Variants in FRAS1 observed in about 807,000 individuals in gnomAD.
FRAS1 encodes extracellular matrix organizing protein FRAS1.
A neutral mutation model predicts 435.2 loss-of-function variants in FRAS1; 290 were observed. That is an observed-to-expected ratio of 0.67 (90% CI 0.61 to 0.73). FRAS1 has a LOEUF of 0.73. Ranked by LOEUF, FRAS1 falls within the 30% of genes least tolerant of loss-of-function variation. FRAS1 has a pLI of 0.00. For missense variants in FRAS1, 4,860 were observed against 5,001.5 expected (o/e 0.97, Z 0.85); for synonymous variants, 1,800 against 1,851.0 (o/e 0.97, Z 0.71).
At chr4:78,475,413 G>A (rs1295861571) in intron 53 of FRAS1, 25 bp from the exon 54 acceptor site, 6 of 1,613,528 alleles carry the variant, frequency 3.7e-6, no homozygotes, top group Non-Finnish European at 5.1e-6. Context: ...CATAGTTTAA[G>A]AGATGCCTTT....
At chr4:78,378,343 T>G (rs1170454931) in intron 26 of FRAS1, among the ~76,000 whole-genome samples, 1 of 152,188 alleles carries the variant, frequency 6.6e-6, no homozygotes, top group Non-Finnish European at 1.5e-5. Flanking sequence ...GACTTTTGAG[T>G]TGATTTCACT....
At chr4:78,354,796 T>C (rs997164847) in intron 20 of FRAS1, among the ~76,000 whole-genome samples, 4 of 152,192 alleles carry the variant, frequency 2.6e-5, no homozygotes, top group African/African-American at 4.8e-5. Flanking sequence ...GAGTCACTGC[T>C]CCATAAAACC....
At chr4:78,265,129 T>C (rs1172253304) in intron 7 of FRAS1, 21 bp downstream of exon 7, 5 of 1,572,536 alleles carry the variant, frequency 3.2e-6, no homozygotes, top group Non-Finnish European at 3.5e-6. Context: ...ATGCTCCCCA[T>C]GTAGGTGTTT....
At chr4:78,127,272 A>G (rs1560538361) in intron 2 of FRAS1, among the ~76,000 whole-genome samples, 1 of 152,208 alleles carries the variant, frequency 6.6e-6, no homozygotes, top group Non-Finnish European at 1.5e-5. Flanking sequence ...GGATGGTAAG[A>G]CATGAGCCTA....
rs768513175 is a variant in FRAS1, at chr4:78,470,055, C to G, written c.7335C>G (p.Asn2445Lys). 5 of 1,613,536 alleles carry G rather than the reference C, an allele frequency of 3.1e-6. No individual in the cohort carries two copies. The highest frequency in any genetic ancestry group is 4.2e-6 in the Non-Finnish European group (5 of 1,179,698). The part of the protein sequence containing the change: ...VDDGTPRIVT[N>K]LGLQWLEYMD... ...ATGGCACGCCTAGAATTGTCACCAA[C>G]CTGGGACTCCAGTGGCTGGAATACA... Residue 2445 changes from asparagine to lysine, a missense_variant, in exon 51 of 74, where the codon AAC becomes AAG. Asn to Lys is a moderately conservative substitution (Grantham distance 94, BLOSUM62 0). Coordinates refer to ENST00000512123, the MANE Select transcript of FRAS1 (RefSeq NM_025074.7).
chr4:78,111,761 A>T (rs1463817979), intron 2 of FRAS1, among the ~76,000 whole-genome samples: 12 of 151,030 alleles, frequency 7.9e-5, no homozygotes, highest in African/African-American at 2.7e-4. Context: ...ATAAAAAAAA[A>T]AAAAAAAAAA....
rs535480790 is a variant in FRAS1 at position 78,368,011 on chromosome 4, A to G, written c.2723-1827A>G. On this transcript the variant is annotated intron_variant, in intron 22 of 73. Transcript: ENST00000512123. ...AAGATTTGCTGATCATATTTTGAGT[A>G]TGCTTTTCAACCACCTTCAAATCCA... 7.2e-5 allele frequency among the ~76,000 whole-genome samples: 11 copies of G among 152,244 alleles called. 1 individual carries two copies. Among genetic ancestry groups the G allele is most frequent in the African/African-American group, 1.9e-4 (8 of 41,554 alleles).
chr4:78,473,718 C>A, intron 53 of FRAS1, 121 bp downstream of exon 53: 1 of 651,312 alleles, frequency 1.5e-6, no homozygotes, highest in Non-Finnish European at 2.5e-6. Flanking sequence ...GTGATGATGG[C>A]AGTGATAAAA....
chr4:78,161,761 AAAAAAAAAAAAG>A, intron 2 of FRAS1, among the ~76,000 whole-genome samples: 1 of 147,866 alleles, frequency 6.8e-6, no homozygotes, highest in Non-Finnish European at 1.5e-5. Context: ...AAAAAAAAAA[AAAAAAAAAAAAG>A]AAAAGAAAAG....
chr4:78,471,292 C>T (rs903480040), intron 51 of FRAS1, among the ~76,000 whole-genome samples: 3 of 152,106 alleles, frequency 2.0e-5, no homozygotes, highest in African/African-American at 7.2e-5. Flanking sequence ...GGCTTGTTTA[C>T]CATCTCCATG....
At position 78,530,394 on chromosome 4, in the gene FRAS1, T is replaced by C. The variant is rs149957348; in HGVS notation, c.10925+3737T>C. On this transcript the variant is annotated intron_variant, in intron 70 of 73. Coordinates refer to ENST00000512123, the MANE Select transcript of FRAS1 (RefSeq NM_025074.7). ...CATCAGGGAGATTATTACTTGCAGA[T>C]GCCCCATTATTCCCAGGGTGACTCC... Among the ~76,000 whole-genome samples, 5 of 152,222 alleles carry C rather than the reference T, an allele frequency of 3.3e-5. No individual in the cohort carries two copies. In the East Asian group the frequency reaches 9.7e-4, roughly 29 times the overall value.
rs1346407094 is a variant in FRAS1, at chr4:78,432,419, T to G, written c.5032T>G (p.Ser1678Ala). The change falls in exon 38 of 74, where the codon TCT becomes GCT. Residue 1678 changes from serine (S) to alanine (A), a missense_variant. Coordinates refer to ENST00000512123, the MANE Select transcript of FRAS1 (RefSeq NM_025074.7). ...NALQYIHDGSSTREDSMEISV... is the reference protein window; with the variant it reads ...NALQYIHDGSATREDSMEISV... ...TCTACAGTATATACATGATGGTTCC[T>G]CTACCCGGGAAGACAGCATGGAGAT... 3.1e-6 allele frequency: 5 copies of G among 1,612,144 alleles called. No homozygotes were observed. In the East Asian group the frequency reaches 1.1e-4, roughly 36 times the overall value.
chr4:78,173,810 G>A (rs779940998), intron 2 of FRAS1, among the ~76,000 whole-genome samples: 12 of 152,206 alleles, frequency 7.9e-5, no homozygotes, highest in Non-Finnish European at 1.5e-4. Context: ...TATGGAGAAA[G>A]TGCTCCTCAT....
At chr4:78,367,303 T>TGCC (rs1731310331) in intron 22 of FRAS1, among the ~76,000 whole-genome samples, 1 of 151,434 alleles carries the variant, frequency 6.6e-6, no homozygotes, top group Non-Finnish European at 1.5e-5. Flanking sequence ...TATATGGGAA[T>TGCC]CTGAAGCAGG....
chr4:78,298,012 C>G (rs1728216240), intron 14 of FRAS1, among the ~76,000 whole-genome samples: 1 of 103,684 alleles, frequency 9.6e-6, no homozygotes, highest in Non-Finnish European at 1.9e-5. Context: ...TCCTCTCTCT[C>G]TCTCTCTCTC....
intron 2 of FRAS1, among the ~76,000 whole-genome samples, chr4:78,102,599 T>C (rs762513432): frequency 1.3e-5 from 2 of 152,174 alleles, no homozygotes; most frequent in African/African-American, 2.4e-5. Context: ...ACATAGTGTA[T>C]TTAATAGGAA....
intron 2 of FRAS1, among the ~76,000 whole-genome samples, chr4:78,094,211 AC>A (rs1340359446): frequency 1.1e-3 from 159 of 151,044 alleles, no homozygotes; most frequent in African/African-American, 3.7e-3. Context: ...TCTAGGCCAC[AC>A]AACATCTCTT....
chr4:78,436,125 AT>A (rs559763425), intron 38 of FRAS1, among the ~76,000 whole-genome samples: 1 of 152,206 alleles, frequency 6.6e-6, no homozygotes, highest in Non-Finnish European at 1.5e-5. Context: ...TGCAAAAAAT[AT>A]AACCAAAAAT....
chr4:78,327,785 A>G (rs1729776681), intron 18 of FRAS1, among the ~76,000 whole-genome samples: 2 of 152,330 alleles, frequency 1.3e-5, no homozygotes, highest in South Asian at 4.1e-4. Flanking sequence ...CTATGAAATC[A>G]GCTTCCACAG....
Sources: allele counts gnomAD v4.1 joint callset (sites outside exome capture counted in the v4.1 genomes callset), GRCh38; gene constraint gnomAD v4.1.1; transcripts MANE v1.5; gene names NCBI Gene and HGNC (gene_info 2026-07-23, HGNC 2026-07-21).